Variants in DCT observed in about 807,000 individuals in gnomAD.
DCT encodes L-dopachrome tautomerase.
DCT carries 47 observed loss-of-function variants against 53.0 expected under a neutral mutation model. That is an observed-to-expected ratio of 0.89 (90% CI 0.70 to 1.13). The LOEUF (loss-of-function observed/expected upper bound fraction) is 1.13. Among genes scored for constraint, DCT ranks in the 50% most tolerant of loss-of-function variants. DCT has a pLI of 0.00. For missense variants in DCT, 669 were observed against 637.4 expected, an observed-to-expected ratio of 1.05 and a Z score of -0.53; for synonymous variants, 244 against 237.0, an observed-to-expected ratio of 1.03 and a Z score of -0.27.
At chr13:94,460,494 G>A (rs752912254) in intron 5 of DCT, among the ~76,000 whole-genome samples, 47 of 152,186 alleles carry the variant, frequency 3.1e-4, no homozygotes, top group Non-Finnish European at 5.7e-4. Context: ...TTCCCTTGGA[G>A]AGCAGGCTCT....
the DCT span, among the ~76,000 whole-genome samples, chr13:94,485,135 T>TGGGGGGGGGGGGGGGG: frequency 4.2e-5 from 1 of 23,966 alleles, no homozygotes; most frequent in African/African-American, 1.5e-4. Context: ...TGGGGGGCGG[T>TGGGGGGGGGGGGGGGG]GGGGGGGTGG....
chr13:94,479,512 A>C lies in DCT; in HGVS notation c.-257T>G. On this transcript the variant is annotated 5_prime_UTR_variant, in exon 1 of 8. Transcript: ENST00000377028. ...CTTAATTTCCTTAGAAGCGCCTCTA[A>C]CAACCAAATTTAATGAGGGTAGCGC... 2.4e-6 allele frequency: 1 copy of C among 408,648 alleles called. No individual in the cohort carries two copies. The highest frequency in any genetic ancestry group is 6.5e-4 in the Middle Eastern group (1 of 1,528). 25.3% of individuals were successfully genotyped at this position (408,648 alleles called of 1,614,324 possible). A position where few individuals can be genotyped will look rare whatever the true frequency, so the allele number is the denominator to read the frequency against.
the DCT span, among the ~76,000 whole-genome samples, chr13:94,517,385 A>G: frequency 2.0e-5 from 3 of 152,268 alleles, no homozygotes; most frequent in East Asian, 5.8e-4. Flanking sequence ...TCTACCTCAG[A>G]TACCACCCTC....
At chr13:94,501,217 G>C in the DCT span, among the ~76,000 whole-genome samples, 1 of 151,970 alleles carries the variant, frequency 6.6e-6, no homozygotes, top group Non-Finnish European at 1.5e-5. Context: ...TGCAGTGAAC[G>C]GAGATCGCAC....
chr13:94,501,524 G>GCA, the DCT span, among the ~76,000 whole-genome samples: 1 of 151,938 alleles, frequency 6.6e-6, no homozygotes, highest in Non-Finnish European at 1.5e-5. Context: ...TGTTTATTAA[G>GCA]CACCTACTGT....
At chr13:94,456,809 G>A (rs1357255354) in intron 6 of DCT, among the ~76,000 whole-genome samples, 1 of 152,218 alleles carries the variant, frequency 6.6e-6, no homozygotes, top group African/African-American at 2.4e-5. Context: ...CTTGTAATCA[G>A]TCATGAAGCC....
At chr13:94,442,474 T>C (rs1439163768) in intron 7 of DCT, among the ~76,000 whole-genome samples, 1 of 152,108 alleles carries the variant, frequency 6.6e-6, no homozygotes, top group East Asian at 1.9e-4. Context: ...GCCCAGCTAA[T>C]ATTATTTGAA....
At chr13:94,531,487 C>T in the DCT span, among the ~76,000 whole-genome samples, 1 of 152,138 alleles carries the variant, frequency 6.6e-6, no homozygotes, top group Admixed American at 6.5e-5. Flanking sequence ...AATAACACCA[C>T]ACATCTACGA....
chr13:94,466,014 A>AC (rs1884192577), intron 3 of DCT, among the ~76,000 whole-genome samples: 1 of 93,488 alleles, frequency 1.1e-5, no homozygotes, highest in Non-Finnish European at 2.1e-5. Context: ...ATATATATAT[A>AC]TATATATATA....
In DCT at chr13:94,438,552, G is replaced by C. The variant is rs1051280061; in HGVS notation, c.*1346C>G. ...TTCTTTACATTCATTCATTCCAGTAGAGAGGGGCCTCGACAGACAAGCCAC... is the reference window on the plus strand; with the variant it reads ...TTCTTTACATTCATTCATTCCAGTACAGAGGGGCCTCGACAGACAAGCCAC... On this transcript the variant is annotated 3_prime_UTR_variant, in exon 8 of 8. Transcript: ENST00000377028. 2.2e-6 allele frequency: 1 copy of C among 455,494 alleles called. No homozygotes were observed. The highest frequency in any genetic ancestry group is 4.4e-6 in the Non-Finnish European group (1 of 226,590). The allele number at this position is 455,494 out of a possible 1,614,324, so 28.2% of individuals were successfully genotyped here.
chr13:94,445,877 G>T (rs1882689062), intron 6 of DCT: 13 of 664,484 alleles, frequency 2.0e-5, no homozygotes, highest in South Asian at 3.7e-5. Flanking sequence ...AGGCAGGGGA[G>T]AAACTGTGGG....
chr13:94,469,676 G>A (rs559895585), intron 1 of DCT, among the ~76,000 whole-genome samples: 33 of 152,158 alleles, frequency 2.2e-4, no homozygotes, highest in Admixed American at 2.0e-3. Context: ...GATCGCAGGC[G>A]TGTCTCCTCC....
intron 3 of DCT, 148 bp downstream of exon 3, chr13:94,466,410 C>T (rs1050527309): frequency 1.9e-6 from 1 of 527,244 alleles, no homozygotes; most frequent in Admixed American, 3.5e-5. Context: ...CTATGTGATG[C>T]TGAGTATGTT....
the DCT span, among the ~76,000 whole-genome samples, chr13:94,485,651 T>A: frequency 6.6e-6 from 1 of 152,200 alleles, no homozygotes; most frequent in African/African-American, 2.4e-5. Context: ...GGCAGGTCAC[T>A]CTTTCTCTCA....
chr13:94,491,043 G>T, the DCT span, among the ~76,000 whole-genome samples: 1 of 152,190 alleles, frequency 6.6e-6, no homozygotes, highest in Non-Finnish European at 1.5e-5. Context: ...GAAACATTTA[G>T]TCCTCACCGA....
the DCT span, among the ~76,000 whole-genome samples, chr13:94,517,526 C>G: frequency 6.6e-6 from 1 of 152,200 alleles, no homozygotes; most frequent in Non-Finnish European, 1.5e-5. Flanking sequence ...CTTGATCAAG[C>G]ATTCTGTAAC....
intron 5 of DCT, among the ~76,000 whole-genome samples, chr13:94,461,355 T>C (rs747054286): frequency 6.6e-6 from 1 of 152,122 alleles, no homozygotes; most frequent in Non-Finnish European, 1.5e-5. Flanking sequence ...TACAGGTACA[T>C]ACCACCACAC....
chr13:94,460,186 C>CCA lies in DCT; in HGVS notation c.1082_1083dup (p.Asp362TrpfsTer5). ...TTATGAAGGCTCATCACTTGAGAAT[C>CCA]CAGAGTCCCATCTGCTTTATCAAAC... On this transcript the variant is annotated frameshift_variant, in exon 6 of 8. Transcript: ENST00000377028. LOFTEE classifies it high-confidence loss of function. 6.2e-7 allele frequency: 1 copy of CCA among 1,613,802 alleles called. No homozygotes were observed.
chr13:94,542,143 C>A, the DCT span, among the ~76,000 whole-genome samples: 1 of 152,158 alleles, frequency 6.6e-6, no homozygotes, highest in African/African-American at 2.4e-5. Flanking sequence ...ACTATACAAG[C>A]ACTTCAAACA....
Sources: gnomAD v4.1 joint callset for allele counts (sites outside exome capture counted in the v4.1 genomes callset) on GRCh38, gnomAD v4.1.1 for gene constraint, MANE v1.5 for transcripts, NCBI Gene and HGNC (gene_info 2026-07-23, HGNC 2026-07-21) for gene names.